The following EXOC5 variants were observed in gnomAD, a reference collection of about 807,000 sequenced individuals.
The protein encoded by EXOC5 is exocyst complex component 5.
EXOC5 carries 17 observed loss-of-function variants against 90.8 expected under a neutral mutation model. The ratio of observed to expected loss-of-function variants is 0.19; its 90% CI spans 0.13 to 0.28. The LOEUF (loss-of-function observed/expected upper bound fraction) is 0.28. Ranked by LOEUF, EXOC5 falls within the 10% of genes least tolerant of loss-of-function variation. The probability of loss-of-function intolerance (pLI) is 1.00; values close to 1 mark genes in which losing one functional copy is unlikely to be tolerated. For missense variants in EXOC5, 569 were observed against 830.6 expected (o/e 0.69, Z 3.87); for synonymous variants, 260 against 270.0 (o/e 0.96, Z 0.36).
At chr14:57,239,778 A>G (rs1883800393) in intron 4 of EXOC5, 119 bp from the exon 5 acceptor site, 4 of 576,174 alleles carry the variant, frequency 6.9e-6, no homozygotes, top group Non-Finnish European at 1.2e-5. Context: ...TCCCTAAAAA[A>G]ATTTCCTTTA....
intron 11 of EXOC5, among the ~76,000 whole-genome samples, chr14:57,231,149 C>T (rs1211889857): frequency 6.6e-6 from 1 of 151,888 alleles, no homozygotes; most frequent in Non-Finnish European, 1.5e-5. Flanking sequence ...GCTGGGATTA[C>T]AGGTGTCTGC....
intron 1 of EXOC5, among the ~76,000 whole-genome samples, chr14:57,265,990 T>C (rs1336485145): frequency 1.3e-5 from 2 of 152,238 alleles, no homozygotes; most frequent in African/African-American, 4.8e-5. Flanking sequence ...TATTACAGTT[T>C]GATTTTGTTA....
rs1477907620 is a variant in EXOC5 at position 57,233,773 on chromosome 14, A to G, written c.825T>C (p.Leu275=). 4 of 1,585,536 alleles carry G rather than the reference A, an allele frequency of 2.5e-6. No individual in the cohort carries two copies. In the African/African-American group the frequency reaches 4.0e-5, roughly 16 times the overall value. ...GTTTGATTTCAAATACATTTTGAAT[A>G]AGTTTAGCCAGGACTGTTTCTGGAT... ...FSNPETVLAK[L]IQNVFEIKLQ... is the part of the protein sequence containing the mutation. The change falls in exon 9 of 18, where the codon CTT becomes CTC. Residue 275 remains leucine, a synonymous_variant. Transcript: ENST00000621441.
intron 15 of EXOC5, among the ~76,000 whole-genome samples, chr14:57,216,241 T>C (rs188278553): frequency 0.011 from 1,639 of 149,816 alleles, 8 homozygotes; most frequent in Non-Finnish European, 0.018. Context: ...TTCAATGCAT[T>C]CCCAATCAAA....
At chr14:57,262,239 A>T (rs1431000861) in intron 1 of EXOC5, among the ~76,000 whole-genome samples, 2 of 151,930 alleles carry the variant, frequency 1.3e-5, no homozygotes, top group African/African-American at 4.8e-5. Context: ...AAATTTCTCA[A>T]CTCAATTTAG....
chr14:57,239,509 G>T, intron 5 of EXOC5, 86 bp downstream of exon 5: 1 of 797,644 alleles, frequency 1.3e-6, no homozygotes, highest in Non-Finnish European at 2.0e-6. Flanking sequence ...TAATTAATGG[G>T]CAAAGAAAAT....
At chr14:57,264,036 A>G (rs944234662) in intron 1 of EXOC5, among the ~76,000 whole-genome samples, 16 of 152,326 alleles carry the variant, frequency 1.1e-4, no homozygotes, top group African/African-American at 3.8e-4. Flanking sequence ...ACTGCGCTGT[A>G]TTAATGTATT....
intron 1 of EXOC5, among the ~76,000 whole-genome samples, chr14:57,265,134 T>C (rs1428419006): frequency 7.2e-6 from 1 of 138,138 alleles, no homozygotes; most frequent in Non-Finnish European, 1.6e-5. Flanking sequence ...CACTGAACCC[T>C]TTTTTTTTTT....
intron 6 of EXOC5, 69 bp downstream of exon 6, chr14:57,237,269 G>T: frequency 4.9e-6 from 4 of 817,878 alleles, no homozygotes; most frequent in Admixed American, 2.1e-5. Flanking sequence ...TTCTCCTTTT[G>T]CTGTTTTATT....
At chr14:57,216,044 GA>G (rs1882961514) in intron 15 of EXOC5, among the ~76,000 whole-genome samples, 1 of 150,498 alleles carries the variant, frequency 6.6e-6, no homozygotes, top group Admixed American at 6.6e-5. Flanking sequence ...ATCCAAAAAA[GA>G]AAGAAAAAAA....
chr14:57,234,081 T>A (rs780946189), intron 7 of EXOC5, 49 bp from the exon 8 acceptor site: 1 of 1,359,380 alleles, frequency 7.4e-7, no homozygotes, highest in Admixed American at 1.8e-5. Context: ...TTATAATAAT[T>A]ATTATTTCAA....
intron 11 of EXOC5, among the ~76,000 whole-genome samples, chr14:57,230,175 C>T (rs1483833813): frequency 2.0e-5 from 3 of 152,076 alleles, no homozygotes; most frequent in Non-Finnish European, 4.4e-5. Flanking sequence ...AGAAAGTGAG[C>T]TATTCCAAAT....
intron 12 of EXOC5, among the ~76,000 whole-genome samples, chr14:57,226,567 A>G (rs1167891905): frequency 6.6e-6 from 1 of 152,158 alleles, no homozygotes; most frequent in East Asian, 1.9e-4. Context: ...ATGTTAGAGG[A>G]CTTAGGACTT....
intron 12 of EXOC5, among the ~76,000 whole-genome samples, chr14:57,225,897 C>T (rs917136652): frequency 6.6e-6 from 1 of 152,162 alleles, no homozygotes; most frequent in Admixed American, 6.5e-5. Flanking sequence ...AGGTTACAGG[C>T]AGATAAGAGA....
At chr14:57,235,618 TA>T in intron 7 of EXOC5, 92 bp downstream of exon 7, 1 of 656,500 alleles carries the variant, frequency 1.5e-6, no homozygotes, top group Non-Finnish European at 2.7e-6. Flanking sequence ...GATAGTTACA[TA>T]ATGAATGGGG....
chr14:57,249,053 C>T (rs950389446), intron 1 of EXOC5, among the ~76,000 whole-genome samples: 1 of 152,116 alleles, frequency 6.6e-6, no homozygotes, highest in African/African-American at 2.4e-5. Context: ...TTGACCATCA[C>T]ATGAAATACC....
At chr14:57,220,106 A>G (rs1883082495) in intron 13 of EXOC5, among the ~76,000 whole-genome samples, 1 of 152,154 alleles carries the variant, frequency 6.6e-6, no homozygotes, top group South Asian at 2.1e-4. Flanking sequence ...GAAAATATGC[A>G]TAGCTAATGA....
intron 6 of EXOC5, 25 bp downstream of exon 6, chr14:57,237,313 A>C (rs1883692127): frequency 8.0e-7 from 1 of 1,244,774 alleles, no homozygotes; most frequent in Middle Eastern, 1.9e-4. Context: ...TATTAAAAAA[A>C]AGGTAAAATA....
At chr14:57,267,564 G>A (rs532180420) in intron 1 of EXOC5, among the ~76,000 whole-genome samples, 4 of 152,184 alleles carry the variant, frequency 2.6e-5, no homozygotes, top group Non-Finnish European at 4.4e-5. Context: ...TTACACTTTT[G>A]TTACTCAATG....
Sources: allele counts gnomAD v4.1 joint callset (sites outside exome capture counted in the v4.1 genomes callset), GRCh38; gene constraint gnomAD v4.1.1; transcripts MANE v1.5; gene names NCBI Gene and HGNC (gene_info 2026-07-23, HGNC 2026-07-21).